The following NT5DC3 variants were observed in gnomAD, a reference collection of about 807,000 sequenced individuals.
NT5DC3 encodes the protein 5'-nucleotidase domain containing 3.
Under a neutral mutation model 67.8 loss-of-function variants are expected in NT5DC3, and 42 were observed. That is an observed-to-expected ratio of 0.62 (90% CI 0.48 to 0.80). The LOEUF (loss-of-function observed/expected upper bound fraction) is 0.80, where lower values mean the gene tolerates loss of function less well. Ranked by LOEUF, NT5DC3 falls within the 30% of genes least tolerant of loss-of-function variation. The pLI is 0.00. For missense variants in NT5DC3, 570 were observed against 696.4 expected, an observed-to-expected ratio of 0.82 and a Z score of 2.04; for synonymous variants, 237 against 255.6, an observed-to-expected ratio of 0.93 and a Z score of 0.69.
chr12:103,822,628 C>T (rs1474049377), intron 1 of NT5DC3, among the ~76,000 whole-genome samples: 3 of 152,106 alleles, frequency 2.0e-5, no homozygotes, highest in Non-Finnish European at 2.9e-5. Flanking sequence ...TAGTGCTATC[C>T]GTGTGTGTTG....
At position 103,788,904 on chromosome 12, in the gene NT5DC3, C is replaced by T; in HGVS notation, c.1035G>A (p.Met345Ile). The part of the protein sequence containing the change: ...FNDKRRPFRK[M>I]NEKGVLLWDK... ...CCCAGAGTAAGACACCTTTCTCATT[C>T]ATCTTTCGGAAAGGCCTAACAACAG... is the stretch of plus-strand genomic sequence containing the variant. Residue 345 changes from methionine to isoleucine, a missense_variant, in exon 10 of 14, where the codon ATG becomes ATA. This residue lies in a region of NT5DC3 where 466 missense variants were observed against 608.0 expected (regional missense o/e 0.77). Coordinates refer to ENST00000392876, the MANE Select transcript of NT5DC3 (RefSeq NM_001031701.3). The T allele has an allele frequency of 1.2e-6, 2 of 1,612,438 alleles. No individual in the cohort carries two copies. Among genetic ancestry groups the T allele is most frequent in the Middle Eastern group, 1.7e-4 (1 of 6,058 alleles).
chr12:103,753,391 C>G, the NT5DC3 span: 28 of 1,613,726 alleles, frequency 1.7e-5, no homozygotes, highest in African/African-American at 2.7e-4. Context: ...CAGACAGAGT[C>G]TGCAGGGGCG....
rs974572531 is a variant in NT5DC3 at position 103,784,773 on chromosome 12, T to TA, written c.1329+561dup. 7.2e-5 allele frequency among the ~76,000 whole-genome samples: 11 copies of TA among 152,280 alleles called. 1 individual carries two copies. Among genetic ancestry groups the TA allele is most frequent in the Admixed American group, 2.0e-4 (3 of 15,298 alleles). On this transcript the variant is annotated intron_variant, in intron 12 of 13. Coordinates refer to ENST00000392876, the MANE Select transcript of NT5DC3 (RefSeq NM_001031701.3). ...ACTGATAAAACTGCCATTCCTCACT[T>TA]ACCAGCCAAAACTGGCTGCCTAACT...
At chr12:103,824,351 G>A (rs563180145) in intron 1 of NT5DC3, among the ~76,000 whole-genome samples, 2 of 152,356 alleles carry the variant, frequency 1.3e-5, no homozygotes, top group Admixed American at 6.5e-5. Flanking sequence ...AATGGCAGAT[G>A]TTGAGACGAA....
At chr12:103,761,194 C>A in the NT5DC3 span, 1 of 1,024,294 alleles carries the variant, frequency 9.8e-7, no homozygotes, top group Non-Finnish European at 1.5e-6. Context: ...TGGAGACAAA[C>A]CTGAAACATG....
chr12:103,796,973 G>A lies in NT5DC3; in HGVS notation c.674C>T (p.Thr225Ile), dbSNP rs1373981701. Residue 225 changes from threonine to isoleucine, a missense_variant, in exon 6 of 14, where the codon ACC (threonine) becomes ATC (isoleucine). Physicochemically the swap from Thr to Ile is moderately conservative, Grantham distance 89. Around this residue, in one of 2 missense-constraint regions of NT5DC3, gnomAD observed 466 missense variants for 608.0 expected, o/e 0.77. Transcript: ENST00000392876. ...FMDIFSLPEMTLLSCVNEYFL... is the reference protein window; with the variant it reads ...FMDIFSLPEMILLSCVNEYFL... The stretch of plus-strand genomic sequence containing the variant: ...GTATTCATTCACGCAGGACAGGAGG[G>A]TCATCTCGGGCAGGGAGAAGATGTC... 2 of 1,614,096 alleles carry A rather than the reference G, an allele frequency of 1.2e-6. No individual in the cohort carries two copies. The highest frequency in any genetic ancestry group is 2.2e-5 in the South Asian group (2 of 91,078).
intron 1 of NT5DC3, among the ~76,000 whole-genome samples, chr12:103,838,560 C>T (rs1888246448): frequency 1.3e-5 from 2 of 152,190 alleles, no homozygotes; most frequent in African/African-American, 4.8e-5. Context: ...TGCCATTTGA[C>T]CCAGCAATTG....
the NT5DC3 span, among the ~76,000 whole-genome samples, chr12:103,750,007 G>A: frequency 6.6e-6 from 1 of 152,168 alleles, no homozygotes; most frequent in Non-Finnish European, 1.5e-5. Flanking sequence ...TGACCTGGAG[G>A]TGGCTAATTA....
chr12:103,749,304 G>C, the NT5DC3 span: 4 of 920,786 alleles, frequency 4.3e-6, no homozygotes, highest in Non-Finnish European at 4.6e-6. Flanking sequence ...AAGTCATTGG[G>C]CTAAATGCAA....
At chr12:103,755,646 A>G in the NT5DC3 span, 1 of 1,614,024 alleles carries the variant, frequency 6.2e-7, no homozygotes. Flanking sequence ...GCTATGTGGG[A>G]GATGGCTTCT....
At chr12:103,792,087 C>T (rs887943584) in intron 9 of NT5DC3, among the ~76,000 whole-genome samples, 1 of 152,212 alleles carries the variant, frequency 6.6e-6, no homozygotes, top group African/African-American at 2.4e-5. Context: ...TCCCAACCAG[C>T]CCCATCATGG....
the NT5DC3 span, chr12:103,759,086 ATTGCT>A: frequency 6.2e-7 from 1 of 1,613,736 alleles, no homozygotes; most frequent in African/African-American, 1.3e-5. Context: ...AAGACAAAAT[ATTGCT>A]TGGCCTTTGA....
rs1002563405 is a variant in NT5DC3, at chr12:103,804,410, G to C, written c.524+1912C>G. On this transcript the variant is annotated intron_variant, in intron 4 of 13. Coordinates refer to ENST00000392876, the MANE Select transcript of NT5DC3 (RefSeq NM_001031701.3). ...GGCTCAGCACAAGGAGGCACCAGGA[G>C]GCTACTGGAGGATATACTCAAGCAA... is the stretch of plus-strand genomic sequence containing the variant. Among the ~76,000 whole-genome samples, 14 of 152,286 alleles carry C rather than the reference G, an allele frequency of 9.2e-5. 1 individual carries two copies. The highest frequency in any genetic ancestry group is 2.0e-4 in the Admixed American group (3 of 15,302).
At chr12:103,762,174 T>G in the NT5DC3 span, 1 of 1,514,946 alleles carries the variant, frequency 6.6e-7, no homozygotes, top group South Asian at 1.2e-5. Flanking sequence ...GTCAGTATTT[T>G]TATCCCCACT....
the NT5DC3 span, chr12:103,763,737 C>T: frequency 1.1e-6 from 1 of 907,404 alleles, no homozygotes; most frequent in African/African-American, 1.7e-5. Flanking sequence ...AGGTAACAAG[C>T]CTAAAAGCCA....
intron 4 of NT5DC3, among the ~76,000 whole-genome samples, chr12:103,801,471 C>G (rs1016870856): frequency 6.7e-6 from 1 of 149,360 alleles, no homozygotes; most frequent in African/African-American, 2.5e-5. Context: ...CAAGCTCCAC[C>G]TCCCAGGTTC....
chr12:103,779,573 C>G (rs2139300596), intron 13 of NT5DC3, among the ~76,000 whole-genome samples: 1 of 152,242 alleles, frequency 6.6e-6, no homozygotes, highest in African/African-American at 2.4e-5. Flanking sequence ...CATGCCCCAT[C>G]CACCCACCCA....
intron 5 of NT5DC3, among the ~76,000 whole-genome samples, chr12:103,797,753 C>T (rs535616273): frequency 5.9e-5 from 9 of 152,306 alleles, no homozygotes; most frequent in African/African-American, 2.2e-4. Flanking sequence ...CACATTTGAG[C>T]TTAAAAAAGA....
intron 1 of NT5DC3, among the ~76,000 whole-genome samples, chr12:103,836,759 T>C (rs1566134958): frequency 6.6e-6 from 1 of 152,156 alleles, no homozygotes; most frequent in East Asian, 1.9e-4. Flanking sequence ...AAGAGGTGGG[T>C]TCCCATGCTC....
Sources: allele counts gnomAD v4.1 joint callset (sites outside exome capture counted in the v4.1 genomes callset), GRCh38; gene constraint gnomAD v4.1.1; regional missense constraint gnomAD v4.1.1; transcripts MANE v1.5; gene names NCBI Gene and HGNC (gene_info 2026-07-23, HGNC 2026-07-21).